Variants in ZNF536 observed in about 807,000 individuals in gnomAD.
ZNF536 encodes the protein zinc finger protein 536.
A neutral mutation model predicts 84.5 loss-of-function variants in ZNF536; 13 were observed. The observed-to-expected ratio is 0.15, with a 90% CI of 0.10 to 0.24. The LOEUF (loss-of-function observed/expected upper bound fraction) is 0.24, where lower values mean the gene tolerates loss of function less well. Ranked by LOEUF, ZNF536 falls within the 10% of genes least tolerant of loss-of-function variation. ZNF536 has a pLI of 1.00. For synonymous variants in ZNF536, 811 were observed against 742.5 expected (o/e 1.09, Z -1.50); for missense variants, 1,536 against 1,747.5 (o/e 0.88, Z 2.16).
intron 1 of ZNF536, among the ~76,000 whole-genome samples, chr19:30,379,277 G>A (rs888146206): frequency 2.0e-5 from 3 of 152,120 alleles, no homozygotes; most frequent in Non-Finnish European, 4.4e-5. Flanking sequence ...AATGGCCTCT[G>A]TGTTGGGAGC....
intron 1 of ZNF536, among the ~76,000 whole-genome samples, chr19:30,250,019 C>A (rs1261021451): frequency 6.6e-6 from 1 of 152,164 alleles, no homozygotes; most frequent in Non-Finnish European, 1.5e-5. Flanking sequence ...TTTTTAAAAG[C>A]AATTCAGGAC....
chr19:30,346,358 A>G (rs2047742810), intron 2 of ZNF536, among the ~76,000 whole-genome samples: 1 of 152,090 alleles, frequency 6.6e-6, no homozygotes, highest in Admixed American at 6.6e-5. Flanking sequence ...TTTTGTTTTA[A>G]GTTCAGGGGT....
intron 1 of ZNF536, among the ~76,000 whole-genome samples, chr19:30,709,671 G>T (rs982446048): frequency 1.3e-5 from 2 of 152,162 alleles, no homozygotes; most frequent in Non-Finnish European, 2.9e-5. Flanking sequence ...TGTTGTCCAG[G>T]CTGTAGTGCA....
At chr19:30,313,274 C>T (rs1366637512) in intron 2 of ZNF536, among the ~76,000 whole-genome samples, 4 of 152,174 alleles carry the variant, frequency 2.6e-5, no homozygotes, top group African/African-American at 9.7e-5. Flanking sequence ...AGTGAGCTTT[C>T]GGGTCAAACC....
chr19:30,502,486 C>T (rs915614776), intron 2 of ZNF536, among the ~76,000 whole-genome samples: 1 of 151,980 alleles, frequency 6.6e-6, no homozygotes, highest in African/African-American at 2.4e-5. Flanking sequence ...CAGGACAAGT[C>T]CACTGAGGGG....
intron 1 of ZNF536, among the ~76,000 whole-genome samples, chr19:30,592,001 G>A (rs1476999732): frequency 6.6e-6 from 1 of 152,068 alleles, no homozygotes; most frequent in Non-Finnish European, 1.5e-5. Flanking sequence ...CTATTGTCTT[G>A]CAACTAACCT....
intron 1 of ZNF536, among the ~76,000 whole-genome samples, chr19:30,584,423 C>A (rs1460232601): frequency 6.6e-6 from 1 of 152,216 alleles, no homozygotes; most frequent in African/African-American, 2.4e-5. Flanking sequence ...GAAAGTGTGG[C>A]TCCCCCGATG....
At chr19:30,571,053 C>T (rs760343260) in intron 1 of ZNF536, among the ~76,000 whole-genome samples, 5 of 152,182 alleles carry the variant, frequency 3.3e-5, no homozygotes, top group Admixed American at 6.5e-5. Flanking sequence ...GGCCCCACAT[C>T]GACACAGGCA....
chr19:30,667,835 C>T (rs958356935), intron 1 of ZNF536, among the ~76,000 whole-genome samples: 4 of 151,878 alleles, frequency 2.6e-5, no homozygotes, highest in African/African-American at 9.7e-5. Flanking sequence ...GTCCTGAGTG[C>T]TTGCAATGTG....
At chr19:30,313,929 T>C (rs2046591587) in intron 2 of ZNF536, among the ~76,000 whole-genome samples, 1 of 152,186 alleles carries the variant, frequency 6.6e-6, no homozygotes, top group Non-Finnish European at 1.5e-5. Context: ...GAGTAAAGAA[T>C]AGAGGTTAGG....
In ZNF536 at chr19:30,539,191, G is replaced by A. The variant is rs189569922; in HGVS notation, c.2323+4192G>A. 2.6e-5 allele frequency among the ~76,000 whole-genome samples: 4 copies of A among 152,222 alleles called. No homozygotes were observed. In the East Asian group the frequency reaches 7.7e-4, roughly 29 times the overall value. ...CTCAAGTGATTATGGAGGCTGAGAA[G>A]TCCTAAGATCCAAGATCTGTAATTG... On this transcript the variant is annotated intron_variant, in intron 3 of 4. Coordinates refer to ENST00000355537, the MANE Select transcript of ZNF536 (RefSeq NM_014717.3).
At chr19:30,550,159 C>T (rs2045720451) in intron 4 of ZNF536, among the ~76,000 whole-genome samples, 1 of 152,198 alleles carries the variant, frequency 6.6e-6, no homozygotes, top group South Asian at 2.1e-4. Flanking sequence ...GTCTGTTGCT[C>T]TAACAAGACA....
At chr19:30,530,688 G>A (rs1050650562) in intron 2 of ZNF536, among the ~76,000 whole-genome samples, 1 of 152,138 alleles carries the variant, frequency 6.6e-6, no homozygotes, top group African/African-American at 2.4e-5. Flanking sequence ...GGAGTGGCTA[G>A]GAAAGGGCTG....
intron 1 of ZNF536, among the ~76,000 whole-genome samples, chr19:30,405,193 G>C (rs1176285332): frequency 6.6e-6 from 1 of 152,110 alleles, no homozygotes; most frequent in African/African-American, 2.4e-5. Flanking sequence ...CAGAATATAG[G>C]GTGAGACCCT....
chr19:30,511,675 A>G (rs1210132975), intron 2 of ZNF536, among the ~76,000 whole-genome samples: 2 of 152,232 alleles, frequency 1.3e-5, no homozygotes, highest in Non-Finnish European at 2.9e-5. Context: ...ACAAATTAAC[A>G]TACACATGTA....
At chr19:30,674,703 G>C (rs911912864) in intron 1 of ZNF536, among the ~76,000 whole-genome samples, 1 of 152,134 alleles carries the variant, frequency 6.6e-6, no homozygotes, top group Non-Finnish European at 1.5e-5. Flanking sequence ...ATATGAACTC[G>C]GAGGCACTTT....
At chr19:30,349,787 A>G (rs2047873183) in intron 2 of ZNF536, among the ~76,000 whole-genome samples, 1 of 152,032 alleles carries the variant, frequency 6.6e-6, no homozygotes, top group South Asian at 2.1e-4. Flanking sequence ...GCCGGATATA[A>G]TATTAATTTC....
chr19:30,711,769 A>G (rs1307613785), exon 2 of ZNF536: 2 of 152,300 alleles, frequency 1.3e-5, no homozygotes, highest in South Asian at 4.1e-4. Flanking sequence ...TTTTAAAAAA[A>G]AATTTTGGAT....
intron 1 of ZNF536, among the ~76,000 whole-genome samples, chr19:30,687,554 A>G (rs916292847): frequency 3.1e-4 from 47 of 152,246 alleles, no homozygotes; most frequent in African/African-American, 1.1e-3. Flanking sequence ...CTCTTATTAT[A>G]AATAATCACT....
Sources: gnomAD v4.1 joint callset for allele counts (sites outside exome capture counted in the v4.1 genomes callset) on GRCh38, gnomAD v4.1.1 for gene constraint, MANE v1.5 for transcripts, NCBI Gene and HGNC (gene_info 2026-07-23, HGNC 2026-07-21) for gene names.